The following ENOX1 variants were observed in gnomAD, a reference collection of about 807,000 sequenced individuals.
ENOX1 encodes ecto-NOX disulfide-thiol exchanger 1.
A neutral mutation model predicts 82.5 loss-of-function variants in ENOX1; 42 were observed. That is an observed-to-expected ratio of 0.51 (90% CI 0.40 to 0.66). The LOEUF (loss-of-function observed/expected upper bound fraction) is 0.66. Ranked by LOEUF, ENOX1 falls within the 30% of genes least tolerant of loss-of-function variation. ENOX1 has a pLI of 0.00. For synonymous variants in ENOX1, 271 were observed against 282.2 expected, an observed-to-expected ratio of 0.96 and a Z score of 0.40; for missense variants, 608 against 811.6, an observed-to-expected ratio of 0.75 and a Z score of 3.05.
intron 1 of ENOX1, among the ~76,000 whole-genome samples, chr13:43,702,983 A>AAAAAAATT (rs71099842): frequency 1.5e-5 from 2 of 135,426 alleles, no homozygotes; most frequent in Non-Finnish European, 3.1e-5. Context: ...AAAAAAAAAA[A>AAAAAAATT]GTTTGAGGAA....
intron 1 of ENOX1, among the ~76,000 whole-genome samples, chr13:43,772,287 A>G (rs1309364334): frequency 1.3e-5 from 2 of 152,192 alleles, no homozygotes; most frequent in Non-Finnish European, 2.9e-5. Flanking sequence ...AATCTAAAAT[A>G]AACACCAAGT....
chr13:43,344,083 A>G (rs1304689665), intron 9 of ENOX1, among the ~76,000 whole-genome samples: 1 of 152,200 alleles, frequency 6.6e-6, no homozygotes, highest in Admixed American at 6.5e-5. Context: ...CCCCCAGATA[A>G]AAGATCCTGA....
chr13:43,421,788 A>G (rs2054990828), intron 3 of ENOX1, among the ~76,000 whole-genome samples: 1 of 151,830 alleles, frequency 6.6e-6, no homozygotes, highest in South Asian at 2.1e-4. Flanking sequence ...CATACCCTGC[A>G]GCTAGCAAGC....
chr13:43,232,017 G>A (rs1270415290), intron 15 of ENOX1, among the ~76,000 whole-genome samples: 4 of 151,798 alleles, frequency 2.6e-5, no homozygotes, highest in African/African-American at 7.3e-5. Context: ...CCTGATGCTC[G>A]TGGGCTCAAG....
At chr13:43,451,022 C>A (rs181153630) in intron 3 of ENOX1, among the ~76,000 whole-genome samples, 2 of 152,250 alleles carry the variant, frequency 1.3e-5, no homozygotes, top group African/African-American at 4.8e-5. Context: ...GATTTTGATT[C>A]ATTAAATCAG....
chr13:43,506,087 C>T (rs1383569884), intron 2 of ENOX1, among the ~76,000 whole-genome samples: 1 of 152,006 alleles, frequency 6.6e-6, no homozygotes, highest in Non-Finnish European at 1.5e-5. Context: ...TTTCTGACGG[C>T]TCTGTTCTCT....
At position 43,428,804 on chromosome 13, in the gene ENOX1, G is replaced by T. The variant is rs1209038539; in HGVS notation, c.-74-15816C>A. The stretch of plus-strand genomic sequence containing the variant: ...CTAGGGTTGGTGAGGCGGGTGGGGG[G>T]TACTGTGGAGGTGGGTAAAGCCACA... On this transcript the variant is annotated intron_variant, in intron 3 of 16. Coordinates refer to ENST00000690772, the MANE Select transcript of ENOX1 (RefSeq NM_001347969.2). 2.6e-5 allele frequency among the ~76,000 whole-genome samples: 4 copies of T among 152,132 alleles called. No homozygotes were observed. In the South Asian group the frequency reaches 6.2e-4, roughly 24 times the overall value.
At chr13:43,657,966 CTT>C (rs1314017613) in intron 2 of ENOX1, among the ~76,000 whole-genome samples, 4 of 152,098 alleles carry the variant, frequency 2.6e-5, no homozygotes, top group Non-Finnish European at 4.4e-5. Flanking sequence ...TTAAAGATAA[CTT>C]TAACTTTTAT....
chr13:43,499,946 A>G (rs1447523212), intron 2 of ENOX1, among the ~76,000 whole-genome samples: 2 of 152,016 alleles, frequency 1.3e-5, no homozygotes, highest in Admixed American at 6.6e-5. Flanking sequence ...GACTGAACTA[A>G]AAAATTAAAC....
intron 2 of ENOX1, among the ~76,000 whole-genome samples, chr13:43,500,996 C>A (rs747293111): frequency 2.8e-4 from 43 of 151,538 alleles, no homozygotes; most frequent in Non-Finnish European, 6.1e-4. Flanking sequence ...GGAAGAGGAA[C>A]AAAAGAACTA....
At chr13:43,301,699 T>A (rs2046587421) in intron 11 of ENOX1, among the ~76,000 whole-genome samples, 2 of 152,094 alleles carry the variant, frequency 1.3e-5, no homozygotes, top group African/African-American at 2.4e-5. Context: ...TACAAAAAAA[T>A]TTTCGTTACT....
intron 2 of ENOX1, among the ~76,000 whole-genome samples, chr13:43,636,235 C>G (rs1367838156): frequency 1.3e-5 from 2 of 152,216 alleles, no homozygotes; most frequent in Admixed American, 1.3e-4. Flanking sequence ...ACAGCAAATA[C>G]TATAAAAGGG....
At chr13:43,504,079 A>G (rs1181293943) in intron 2 of ENOX1, among the ~76,000 whole-genome samples, 1 of 151,822 alleles carries the variant, frequency 6.6e-6, no homozygotes. Flanking sequence ...GGTATATGAA[A>G]ACATACTCAA....
At chr13:43,359,734 T>C in intron 7 of ENOX1, 117 bp downstream of exon 7, 2 of 986,148 alleles carry the variant, frequency 2.0e-6, no homozygotes, top group Non-Finnish European at 3.0e-6. Flanking sequence ...ATTCCTCCTT[T>C]TCCAGCCCCA....
At chr13:43,731,193 G>A (rs372215931) in intron 1 of ENOX1, among the ~76,000 whole-genome samples, 10 of 152,054 alleles carry the variant, frequency 6.6e-5, no homozygotes, top group African/African-American at 1.7e-4. Flanking sequence ...TAATGACCCC[G>A]GGTAATTACA....
chr13:43,251,244 C>T (rs1357151404), intron 14 of ENOX1, among the ~76,000 whole-genome samples: 1 of 152,190 alleles, frequency 6.6e-6, no homozygotes, highest in African/African-American at 2.4e-5. Context: ...GTCCACGAGA[C>T]TTTTATACAC....
intron 2 of ENOX1, among the ~76,000 whole-genome samples, chr13:43,646,551 G>T (rs111380399): frequency 6.6e-6 from 1 of 152,120 alleles, no homozygotes; most frequent in Non-Finnish European, 1.5e-5. Flanking sequence ...TTTTCCTTCT[G>T]GTGGCCACTG....
At chr13:43,588,363 G>A (rs1032519) in intron 2 of ENOX1, among the ~76,000 whole-genome samples, 80,372 of 151,960 alleles carry the variant, frequency 0.53, 21,260 homozygotes, top group Non-Finnish European at 0.55. Flanking sequence ...TACTCTTTAA[G>A]ATCTCCATTT....
At chr13:43,593,405 C>A (rs1450802094) in intron 2 of ENOX1, among the ~76,000 whole-genome samples, 1 of 152,008 alleles carries the variant, frequency 6.6e-6, no homozygotes, top group African/African-American at 2.4e-5. Flanking sequence ...CCTTCTAGGT[C>A]TCTGAGGCAA....
Sources: gnomAD v4.1 joint callset for allele counts (sites outside exome capture counted in the v4.1 genomes callset) on GRCh38, gnomAD v4.1.1 for gene constraint, MANE v1.5 for transcripts, NCBI Gene and HGNC (gene_info 2026-07-23, HGNC 2026-07-21) for gene names.